Variants in CFAP77 observed in about 807,000 individuals in gnomAD.
The protein encoded by CFAP77 is cilia- and flagella-associated protein 77.
A neutral mutation model predicts 31.1 loss-of-function variants in CFAP77; 25 were observed. That is an observed-to-expected ratio of 0.80 (90% confidence interval 0.59 to 1.12). The LOEUF is 1.12. CFAP77 is among the 50% of genes most tolerant of loss of function. The pLI is 0.00. For missense variants in CFAP77, 377 were observed against 397.3 expected (o/e 0.95, Z 0.44); for synonymous variants, 151 against 159.9 (o/e 0.94, Z 0.42).
chr9:132,462,887 T>C (rs1476982237), intron 1 of CFAP77, among the ~76,000 whole-genome samples: 1 of 152,168 alleles, frequency 6.6e-6, no homozygotes, highest in Non-Finnish European at 1.5e-5. Flanking sequence ...TTTATATATA[T>C]TTTACAGAGT....
intron 1 of CFAP77, among the ~76,000 whole-genome samples, chr9:132,486,149 G>A (rs1452837712): frequency 7.4e-6 from 1 of 135,680 alleles, no homozygotes; most frequent in Non-Finnish European, 1.6e-5. Context: ...CTGGAGTGCG[G>A]TGGCGCAATC....
At chr9:132,509,099 C>T (rs1851987363) in intron 3 of CFAP77, among the ~76,000 whole-genome samples, 1 of 152,210 alleles carries the variant, frequency 6.6e-6, no homozygotes, top group South Asian at 2.1e-4. Context: ...CGCTGATGAG[C>T]ACCTACTGGG....
At chr9:132,426,788 TTTTC>T (rs1480787030) in intron 1 of CFAP77, among the ~76,000 whole-genome samples, 1 of 152,158 alleles carries the variant, frequency 6.6e-6, no homozygotes, top group Admixed American at 6.6e-5. Flanking sequence ...ATGGTGACAT[TTTTC>T]TTTCTTAAAG....
At chr9:132,440,803 C>T (rs561895944) in intron 1 of CFAP77, among the ~76,000 whole-genome samples, 2 of 152,260 alleles carry the variant, frequency 1.3e-5, no homozygotes, top group South Asian at 4.1e-4. Flanking sequence ...TTCGATAACC[C>T]ATCAGTGGTA....
intron 5 of CFAP77, among the ~76,000 whole-genome samples, chr9:132,546,067 G>T (rs1852723620): frequency 6.6e-6 from 1 of 152,230 alleles, no homozygotes; most frequent in Non-Finnish European, 1.5e-5. Context: ...AGGGTGCCTG[G>T]CACAGAGTAG....
At chr9:132,549,698 C>A (rs991704365) in intron 5 of CFAP77, among the ~76,000 whole-genome samples, 1 of 151,842 alleles carries the variant, frequency 6.6e-6, no homozygotes, top group Admixed American at 6.6e-5. Flanking sequence ...ATTAGCCAGG[C>A]GTGATGGCAG....
At chr9:132,523,081 C>CTTCT (rs376216807) in intron 3 of CFAP77, among the ~76,000 whole-genome samples, 16 of 96,420 alleles carry the variant, frequency 1.7e-4, no homozygotes, top group African/African-American at 5.1e-4. Flanking sequence ...AGGCTTCTTT[C>CTTCT]TTCTTTCTTT....
intron 1 of CFAP77, among the ~76,000 whole-genome samples, chr9:132,435,619 A>T (rs539217034): frequency 3.3e-5 from 5 of 152,318 alleles, no homozygotes; most frequent in Admixed American, 2.0e-4. Flanking sequence ...AAGAAGCTTC[A>T]TCGATACCGA....
Position 132,469,838 on chromosome 9 carries a change from A to ATTTTT in CFAP77, c.196-28843_196-28839dup, listed in dbSNP as rs763910119. Among the ~76,000 whole-genome samples, 432 of 128,812 alleles carry ATTTTT rather than the reference A, an allele frequency of 3.4e-3. 15 individuals are homozygous for ATTTTT. Among genetic ancestry groups the ATTTTT allele is most frequent in the African/African-American group, 0.012 (387 of 31,208 alleles). 84.5% of individuals were successfully genotyped at this position (128,812 alleles called of 152,430 possible). On this transcript the variant is annotated intron_variant, in intron 1 of 5. Coordinates refer to ENST00000393216, the MANE Select transcript of CFAP77 (RefSeq NM_001282957.2). ...TTCAGACTCTGCCAGTTGCTCCGTG[A>ATTTTT]TTTTTTTTTTTTTTTTTTGAGATGG...
rs1829858988 is a variant in CFAP77, at chr9:132,564,330, T to A, written c.733-8058T>A. 6.6e-6 allele frequency among the ~76,000 whole-genome samples: 1 copy of A among 152,190 alleles called. No individual in the cohort carries two copies. The highest frequency in any genetic ancestry group is 1.5e-5 in the Non-Finnish European group (1 of 68,042). ...TTTTTTCATTGAAAGTAGAACAGAT[T>A]TTTCAAGCAAGAATACAAAGCAAAA... is the stretch of plus-strand genomic sequence containing the variant. On this transcript the variant is annotated intron_variant, in intron 5 of 5. Coordinates refer to ENST00000393216, the MANE Select transcript of CFAP77 (RefSeq NM_001282957.2). This position sits in a 1 kb window ranked among gnomAD's most constrained non-coding sequence, Gnocchi z 4.6.
rs1589849097 is a variant in CFAP77, at chr9:132,436,334, A to C, written c.195+25868A>C. ...CCTGTGTCTTCTCATATTCTCTCTT[A>C]CGAGGGCACTTTTCGTTGAATTTAG... On this transcript the variant is annotated intron_variant, in intron 1 of 5. Transcript: ENST00000393216. 2.0e-5 allele frequency among the ~76,000 whole-genome samples: 3 copies of C among 152,090 alleles called. No homozygotes were observed. The South Asian group carries it at 6.2e-4, about 32-fold the overall frequency.
chr9:132,535,816 G>A (rs1281477194), intron 3 of CFAP77, among the ~76,000 whole-genome samples: 1 of 152,076 alleles, frequency 6.6e-6, no homozygotes, highest in Non-Finnish European at 1.5e-5. Context: ...GCTTTCTCCT[G>A]TTGTTATTTG....
At chr9:132,512,456 C>A (rs189280091) in intron 3 of CFAP77, among the ~76,000 whole-genome samples, 2 of 152,318 alleles carry the variant, frequency 1.3e-5, no homozygotes, top group Admixed American at 1.3e-4. Flanking sequence ...GGAGGGGAGA[C>A]CATTCAGCCC....
chr9:132,444,286 C>T (rs141988630), intron 1 of CFAP77, among the ~76,000 whole-genome samples: 298 of 152,328 alleles, frequency 2.0e-3, no homozygotes, highest in African/African-American at 6.8e-3. Context: ...CCTAGAGCCA[C>T]CTGCGGCATT....
At chr9:132,487,571 A>G (rs570340260) in intron 1 of CFAP77, among the ~76,000 whole-genome samples, 1 of 145,758 alleles carries the variant, frequency 6.9e-6, no homozygotes, top group East Asian at 2.0e-4. Flanking sequence ...TCCTTCCAGT[A>G]TCTTTTTCAA....
At chr9:132,452,966 G>A (rs1334626566) in intron 1 of CFAP77, among the ~76,000 whole-genome samples, 1 of 152,152 alleles carries the variant, frequency 6.6e-6, no homozygotes, top group Non-Finnish European at 1.5e-5. Flanking sequence ...AGAGTTAATG[G>A]CAATAAATTC....
chr9:132,425,707 G>A (rs2131684853), intron 1 of CFAP77, among the ~76,000 whole-genome samples: 1 of 152,240 alleles, frequency 6.6e-6, no homozygotes, highest in South Asian at 2.1e-4. Context: ...ACAGCTAACG[G>A]CCTTCAATCA....
chr9:132,563,352 C>T (rs543262266), intron 5 of CFAP77, among the ~76,000 whole-genome samples: 12 of 152,270 alleles, frequency 7.9e-5, no homozygotes, highest in South Asian at 4.1e-4. Context: ...AACTGAGGAA[C>T]GAAGTTTCAG....
intron 1 of CFAP77, among the ~76,000 whole-genome samples, chr9:132,456,317 TC>T (rs2131719794): frequency 6.6e-6 from 1 of 152,308 alleles, no homozygotes; most frequent in Admixed American, 6.5e-5. Context: ...GCTGCCCCTC[TC>T]CCAGCCTCAT....
Sources: gnomAD v4.1 joint callset for allele counts (sites outside exome capture counted in the v4.1 genomes callset) on GRCh38, gnomAD v4.1.1 for gene constraint, Gnocchi (gnomAD v3.1) non-coding constraint, MANE v1.5 for transcripts, NCBI Gene and HGNC (gene_info 2026-07-23, HGNC 2026-07-21) for gene names.